ITPRID1: variants seen among roughly 807,000 people sequenced by gnomAD.
The protein encoded by ITPRID1 is protein ITPRID1.
In ITPRID1, 96 loss-of-function variants were observed where a neutral mutation model predicts 95.4. The observed-to-expected ratio is 1.01, with a 90% CI of 0.85 to 1.19. The LOEUF is 1.19. Ranked by LOEUF, ITPRID1 falls within the 50% of genes most tolerant of loss-of-function variation. The pLI is 0.00. For missense variants in ITPRID1, 1,339 were observed against 1,252.9 expected (o/e 1.07, Z -1.04); for synonymous variants, 510 against 453.6 (o/e 1.12, Z -1.58).
intron 8 of ITPRID1, among the ~76,000 whole-genome samples, chr7:31,576,358 C>T (rs1330101222): frequency 2.0e-5 from 3 of 152,138 alleles, no homozygotes; most frequent in Non-Finnish European, 4.4e-5. Flanking sequence ...TAAAAGAAAA[C>T]ACTTATCCAA....
chr7:31,534,566 T>C (rs965449064), intron 1 of ITPRID1, among the ~76,000 whole-genome samples: 1 of 152,330 alleles, frequency 6.6e-6, no homozygotes, highest in Admixed American at 6.5e-5. Context: ...TGTATTATTG[T>C]AGCTATATCA....
At chr7:31,529,019 T>C (rs1488176176) in intron 1 of ITPRID1, among the ~76,000 whole-genome samples, 1 of 152,182 alleles carries the variant, frequency 6.6e-6, no homozygotes, top group African/African-American at 2.4e-5. Flanking sequence ...ATGAGGTCAG[T>C]AGTGTGCCTA....
At chr7:31,567,868 G>A (rs969945649) in intron 5 of ITPRID1, among the ~76,000 whole-genome samples, 3 of 152,194 alleles carry the variant, frequency 2.0e-5, no homozygotes, top group Non-Finnish European at 4.4e-5. Flanking sequence ...GCTCATGCCT[G>A]TAGTCCCAGG....
At chr7:31,631,312 CAT>C (rs1468087651) in intron 10 of ITPRID1, among the ~76,000 whole-genome samples, 1 of 152,066 alleles carries the variant, frequency 6.6e-6, no homozygotes, top group Non-Finnish European at 1.5e-5. Context: ...ACACACAAAT[CAT>C]AATTTTTGAT....
At chr7:31,566,220 A>C (rs888965145) in intron 5 of ITPRID1, among the ~76,000 whole-genome samples, 1 of 152,194 alleles carries the variant, frequency 6.6e-6, no homozygotes, top group Non-Finnish European at 1.5e-5. Flanking sequence ...AGGGTTTTTG[A>C]AAACTCAGCA....
chr7:31,578,545 T>C (rs1368329257), intron 9 of ITPRID1, 111 bp downstream of exon 9: 3 of 747,968 alleles, frequency 4.0e-6, no homozygotes, highest in African/African-American at 3.5e-5. Context: ...TCAGCATTAC[T>C]TCTTAGTGTT....
At chr7:31,516,744 TGACTTC>T (rs747736017) in intron 1 of ITPRID1, among the ~76,000 whole-genome samples, 129 of 152,350 alleles carry the variant, frequency 8.5e-4, no homozygotes, top group Non-Finnish European at 1.3e-3. Context: ...TCCAAAGTAG[TGACTTC>T]TCTGTGACAA....
At chr7:31,514,150 A>G (rs1451660980) in intron 1 of ITPRID1, 30 bp downstream of exon 1, 1 of 152,218 alleles carries the variant, frequency 6.6e-6, no homozygotes, top group African/African-American at 2.4e-5. Context: ...GGGGGCTTTC[A>G]TGATCATCTG....
chr7:31,620,976 C>T (rs1273211148), intron 10 of ITPRID1, among the ~76,000 whole-genome samples: 2 of 151,542 alleles, frequency 1.3e-5, no homozygotes, highest in African/African-American at 4.9e-5. Flanking sequence ...GCCTCAGGAG[C>T]CAATGCGATC....
intron 6 of ITPRID1, among the ~76,000 whole-genome samples, chr7:31,570,411 T>A (rs1784944692): frequency 6.6e-6 from 1 of 152,186 alleles, no homozygotes; most frequent in Non-Finnish European, 1.5e-5. Flanking sequence ...TCAGCCACAC[T>A]CTTTTAAAAA....
intron 10 of ITPRID1, among the ~76,000 whole-genome samples, chr7:31,616,789 T>TTTTTG (rs1562612476): frequency 1.3e-5 from 2 of 151,850 alleles, no homozygotes; most frequent in African/African-American, 4.8e-5. Context: ...GGTTTCTAAA[T>TTTTTG]TTCATTTTTT....
intron 10 of ITPRID1, among the ~76,000 whole-genome samples, chr7:31,640,985 CT>C (rs1789966497): frequency 6.6e-6 from 1 of 152,114 alleles, no homozygotes; most frequent in South Asian, 2.1e-4. Context: ...CCATTACTTT[CT>C]CTTGACTTTG....
chr7:31,530,185 C>T, intron 1 of ITPRID1, among the ~76,000 whole-genome samples: 1 of 152,164 alleles, frequency 6.6e-6, no homozygotes, highest in East Asian at 1.9e-4. Context: ...AGCAATGTTT[C>T]TGAGGAGTGA....
downstream of ITPRID1, among the ~76,000 whole-genome samples, chr7:31,657,513 A>T (rs933412755): frequency 1.3e-5 from 2 of 152,186 alleles, no homozygotes; most frequent in African/African-American, 4.8e-5. Context: ...ATACAAGGAG[A>T]TGAGTTCCAC....
chr7:31,537,654 T>C (rs1783803043), intron 1 of ITPRID1, among the ~76,000 whole-genome samples: 1 of 152,184 alleles, frequency 6.6e-6, no homozygotes, highest in South Asian at 2.1e-4. Context: ...TGTTTTTCAC[T>C]GTTCTTATTC....
At chr7:31,549,574 G>A (rs1251833969) in intron 2 of ITPRID1, 75 bp downstream of exon 2, 7 of 1,046,916 alleles carry the variant, frequency 6.7e-6, no homozygotes, top group Non-Finnish European at 8.1e-6. Context: ...ACTCATTATA[G>A]ATATGAGGAA....
In ITPRID1 at chr7:31,643,249, C is replaced by T. The variant is rs2128210632; in HGVS notation, c.1879C>T (p.Pro627Ser). 1.2e-6 allele frequency: 2 copies of T among 1,613,810 alleles called. No homozygotes were observed. Among genetic ancestry groups the T allele is most frequent in the Non-Finnish European group, 1.7e-6 (2 of 1,179,880 alleles). ...AGAAGAGGAAAGCAGTGGATTCTGT[C>T]CTCACACCAACCACAGCTTACTCGT... Reference protein sequence around the residue: ...PREEESSGFCPHTNHSLLVPE... With the variant: ...PREEESSGFCSHTNHSLLVPE... The change falls in exon 12 of 15, where the codon CCT becomes TCT. Residue 627 changes from proline to serine, a missense_variant. Coordinates refer to ENST00000615280, the MANE Select transcript of ITPRID1 (RefSeq NM_001257967.3).
chr7:31,555,148 G>T, intron 5 of ITPRID1: 1 of 383,184 alleles, frequency 2.6e-6, no homozygotes. Context: ...TCAGAGTATA[G>T]CATAAACTCA....
chr7:31,585,784 C>T (rs1785570764), intron 10 of ITPRID1, among the ~76,000 whole-genome samples: 1 of 151,782 alleles, frequency 6.6e-6, no homozygotes, highest in Admixed American at 6.6e-5. Flanking sequence ...AGAAGTTATT[C>T]AGAATAAATG....
Sources: gnomAD v4.1 joint callset for allele counts (sites outside exome capture counted in the v4.1 genomes callset) on GRCh38, gnomAD v4.1.1 for gene constraint, MANE v1.5 for transcripts, NCBI Gene and HGNC (gene_info 2026-07-23, HGNC 2026-07-21) for gene names.